Variants in TNFSF4 observed in about 807,000 individuals in gnomAD.
TNFSF4 encodes tumor necrosis factor ligand superfamily member 4.
In TNFSF4, 4 loss-of-function variants were observed where a neutral mutation model predicts 7.3. That is an observed-to-expected ratio of 0.55 (90% CI 0.27 to 1.25). The LOEUF is 1.25. Among genes scored for constraint, TNFSF4 ranks in the 50% most tolerant of loss-of-function variants. TNFSF4 has a pLI of 0.12. For synonymous variants in TNFSF4, 76 were observed against 83.7 expected, an observed-to-expected ratio of 0.91 and a Z score of 0.50; for missense variants, 181 against 208.8, an observed-to-expected ratio of 0.87 and a Z score of 0.82.
chr1:173,388,279 TGAAA>T, the TNFSF4 span, among the ~76,000 whole-genome samples: 467 of 152,386 alleles, frequency 3.1e-3, 1 homozygote, highest in African/African-American at 0.01. Flanking sequence ...CCAGAAAGCC[TGAAA>T]GAGAGCACCT....
the TNFSF4 span, among the ~76,000 whole-genome samples, chr1:173,370,739 A>G: frequency 6.6e-6 from 1 of 152,146 alleles, no homozygotes; most frequent in Non-Finnish European, 1.5e-5. Context: ...ATTCTATAAT[A>G]GGGACCAAGA....
chr1:173,310,801 C>G, the TNFSF4 span, among the ~76,000 whole-genome samples: 5 of 151,610 alleles, frequency 3.3e-5, no homozygotes, highest in East Asian at 5.8e-4. Flanking sequence ...TTAATACTTA[C>G]GTTAATAGGT....
chr1:173,174,863 A>G, the TNFSF4 span, among the ~76,000 whole-genome samples: 7 of 152,322 alleles, frequency 4.6e-5, no homozygotes, highest in South Asian at 1.5e-3. Context: ...TCAATAATGA[A>G]ACAAAAAGCT....
At chr1:173,392,985 T>C in the TNFSF4 span, among the ~76,000 whole-genome samples, 1 of 152,014 alleles carries the variant, frequency 6.6e-6, no homozygotes, top group East Asian at 1.9e-4. Flanking sequence ...ACCCAGAGCC[T>C]AAAGGGAATG....
the TNFSF4 span, among the ~76,000 whole-genome samples, chr1:173,291,313 A>G: frequency 6.6e-6 from 1 of 152,166 alleles, no homozygotes; most frequent in South Asian, 2.1e-4. Context: ...ATCAGTCATA[A>G]GAAGTCCACC....
At chr1:173,234,382 C>T in the TNFSF4 span, among the ~76,000 whole-genome samples, 3 of 151,992 alleles carry the variant, frequency 2.0e-5, no homozygotes, top group Admixed American at 2.0e-4. Flanking sequence ...TTGTGGAAGA[C>T]ATTGTGATTC....
At chr1:173,326,268 C>G in the TNFSF4 span, among the ~76,000 whole-genome samples, 1 of 152,170 alleles carries the variant, frequency 6.6e-6, no homozygotes, top group East Asian at 1.9e-4. Flanking sequence ...ACAAAAACCA[C>G]ATGATTATCT....
chr1:173,392,428 A>G, the TNFSF4 span, among the ~76,000 whole-genome samples: 2 of 152,328 alleles, frequency 1.3e-5, no homozygotes, highest in South Asian at 2.1e-4. Context: ...AACTCTCTGC[A>G]TTACATCATT....
the TNFSF4 span, among the ~76,000 whole-genome samples, chr1:173,261,590 A>C: frequency 6.6e-6 from 1 of 152,162 alleles, no homozygotes; most frequent in African/African-American, 2.4e-5. Flanking sequence ...AGCTGCACTA[A>C]TAAAAAAGAA....
the TNFSF4 span, among the ~76,000 whole-genome samples, chr1:173,330,226 T>A: frequency 6.6e-6 from 1 of 152,100 alleles, no homozygotes; most frequent in Non-Finnish European, 1.5e-5. Flanking sequence ...ACCATTCATG[T>A]TAATTAATAT....
chr1:173,329,729 G>A, the TNFSF4 span, among the ~76,000 whole-genome samples: 2 of 151,842 alleles, frequency 1.3e-5, no homozygotes, highest in African/African-American at 4.8e-5. Flanking sequence ...CGTAGGATAG[G>A]TTCTGTTATC....
chr1:173,365,414 A>G, the TNFSF4 span, among the ~76,000 whole-genome samples: 2 of 152,164 alleles, frequency 1.3e-5, no homozygotes, highest in Admixed American at 1.3e-4. Context: ...AAATTTCATT[A>G]TTGTTAATGA....
At chr1:173,243,790 T>A in the TNFSF4 span, among the ~76,000 whole-genome samples, 3 of 152,208 alleles carry the variant, frequency 2.0e-5, no homozygotes, top group Admixed American at 6.5e-5. Context: ...ATTCTTCTCA[T>A]ATCCCTGTCT....
the TNFSF4 span, among the ~76,000 whole-genome samples, chr1:173,410,851 C>A: frequency 1.3e-5 from 2 of 152,176 alleles, no homozygotes; most frequent in African/African-American, 4.8e-5. Context: ...AGCTTTAAAC[C>A]CCAACTTTCC....
chr1:173,279,335 C>T, the TNFSF4 span, among the ~76,000 whole-genome samples: 1 of 152,060 alleles, frequency 6.6e-6, no homozygotes, highest in Non-Finnish European at 1.5e-5. Context: ...GTTCTTTGAA[C>T]ATTCTAAGTT....
In TNFSF4 at chr1:173,186,239, T is replaced by A. The variant is rs1466916498; in HGVS notation, c.*277A>T. ...TCTTGAAGAAGAGGCATCTATTTTT[T>A]CTTTCTCACAAAGGTGCCTAGTAGG... On this transcript the variant is annotated 3_prime_UTR_variant, in exon 3 of 3. Transcript: ENST00000281834. The A allele has an allele frequency of 6.0e-6, 2 of 332,826 alleles. No individual in the cohort carries two copies. The highest frequency in any genetic ancestry group is 1.1e-5 in the Non-Finnish European group (2 of 182,678). 20.6% of individuals were successfully genotyped at this position (332,826 alleles called of 1,614,324 possible).
At chr1:173,221,955 C>G in the TNFSF4 span, among the ~76,000 whole-genome samples, 1 of 152,210 alleles carries the variant, frequency 6.6e-6, no homozygotes, top group African/African-American at 2.4e-5. Context: ...GTTTTCTTGT[C>G]AAGGCTTTAT....
chr1:173,351,407 C>T, the TNFSF4 span, among the ~76,000 whole-genome samples: 2 of 152,220 alleles, frequency 1.3e-5, no homozygotes, highest in Non-Finnish European at 2.9e-5. Context: ...ATTTCTCACA[C>T]ATCTATTTAC....
At chr1:173,444,891 G>C in the TNFSF4 span, among the ~76,000 whole-genome samples, 44 of 152,286 alleles carry the variant, frequency 2.9e-4, no homozygotes, top group African/African-American at 9.6e-4. Context: ...GGTTTGCTAT[G>C]GTTAGCTTCA....
Sources: allele counts gnomAD v4.1 joint callset (sites outside exome capture counted in the v4.1 genomes callset), GRCh38; gene constraint gnomAD v4.1.1; transcripts MANE v1.5; gene names NCBI Gene and HGNC (gene_info 2026-07-23, HGNC 2026-07-21).